Variants in BCAS3 observed in about 807,000 individuals in gnomAD.
BCAS3 encodes BCAS3 microtubule associated cell migration factor, also known as BCAS4/BCAS3 fusion.
In BCAS3, 53 loss-of-function variants were observed where a neutral mutation model predicts 116.1. That is an observed-to-expected ratio of 0.46 (90% CI 0.37 to 0.57). The LOEUF (loss-of-function observed/expected upper bound fraction) is 0.57, where lower values mean the gene tolerates loss of function less well. Among genes scored for constraint, BCAS3 ranks in the 20% least tolerant of loss-of-function variants. The pLI is 0.00. For missense variants in BCAS3, 917 were observed against 1,165.4 expected, an observed-to-expected ratio of 0.79 and a Z score of 3.10; for synonymous variants, 391 against 408.2, an observed-to-expected ratio of 0.96 and a Z score of 0.51.
At chr17:61,133,813 A>G (rs2076465179) in intron 22 of BCAS3, among the ~76,000 whole-genome samples, 1 of 126,488 alleles carries the variant, frequency 7.9e-6, no homozygotes, top group South Asian at 2.6e-4. Context: ...ATGAATTGGA[A>G]GGGTGCTTTC....
chr17:61,062,641 G>A (rs1275370155), intron 19 of BCAS3, among the ~76,000 whole-genome samples: 2 of 152,054 alleles, frequency 1.3e-5, no homozygotes, highest in Non-Finnish European at 2.9e-5. Context: ...GTGGAAAAAG[G>A]GAGTTAAAAG....
At chr17:61,334,664 C>CAAAAAAAAAAAAAA (rs35400660) in intron 22 of BCAS3, among the ~76,000 whole-genome samples, 1 of 50,904 alleles carries the variant, frequency 2.0e-5, no homozygotes, top group African/African-American at 6.8e-5. Flanking sequence ...AACTCCATCT[C>CAAAAAAAAAAAAAA]AAAAAAAAAA....
At chr17:61,273,467 T>C (rs1249326909) in intron 22 of BCAS3, among the ~76,000 whole-genome samples, 2 of 152,214 alleles carry the variant, frequency 1.3e-5, no homozygotes, top group Non-Finnish European at 2.9e-5. Context: ...ATGTCATATG[T>C]CTTTTACCTC....
intron 14 of BCAS3, among the ~76,000 whole-genome samples, chr17:60,980,790 G>A (rs1385508048): frequency 6.6e-6 from 1 of 151,810 alleles, no homozygotes; most frequent in African/African-American, 2.4e-5. Context: ...CCCAGCTCAG[G>A]CTCCCAAAGT....
rs577592192 is a variant in BCAS3, at chr17:60,981,252, T to G, written c.1222-8719T>G. On this transcript the variant is annotated intron_variant, in intron 14 of 23. Coordinates refer to ENST00000407086, the MANE Select transcript of BCAS3 (RefSeq NM_017679.5). The stretch of plus-strand genomic sequence containing the variant: ...GAGTCCAAGTAAGAGACTAATATAG[T>G]AACCTTGTAGATGATAGTGTTTTAA... 1.3e-4 allele frequency among the ~76,000 whole-genome samples: 20 copies of G among 152,236 alleles called. 1 individual carries two copies. The South Asian group carries it at 4.2e-3, about 32-fold the overall frequency.
At chr17:60,704,462 G>A (rs992119227) in intron 4 of BCAS3, among the ~76,000 whole-genome samples, 1 of 152,206 alleles carries the variant, frequency 6.6e-6, no homozygotes, top group African/African-American at 2.4e-5. Flanking sequence ...GACCTAGACA[G>A]TGGGAACCCT....
intron 23 of BCAS3, chr17:61,389,670 CTG>C (rs2060031568): frequency 6.6e-6 from 1 of 152,256 alleles, no homozygotes; most frequent in African/African-American, 2.4e-5. Context: ...CCGGGTCTAA[CTG>C]GCAAAGGGAA....
chr17:61,109,392 A>T (rs1450197499), intron 22 of BCAS3, among the ~76,000 whole-genome samples: 1 of 151,858 alleles, frequency 6.6e-6, no homozygotes, highest in Non-Finnish European at 1.5e-5. Context: ...GCAATCGCAA[A>T]TTGTGGTGCT....
rs1230471751 is a variant in BCAS3 at position 61,176,260 on chromosome 17, ATTT to A, written c.2425+91697_2425+91699del. ...TTTATAAGGTAAGATGTATATGGTT[ATTT>A]AATATATTATATATGTATTTAATAT... On this transcript the variant is annotated intron_variant, in intron 22 of 23. Coordinates refer to ENST00000407086, the MANE Select transcript of BCAS3 (RefSeq NM_017679.5). Among the ~76,000 whole-genome samples the A allele has an allele frequency of 8.1e-5, 12 of 148,826 alleles. No individual in the cohort carries two copies. The South Asian group carries it at 2.5e-3, about 31-fold the overall frequency.
intron 14 of BCAS3, among the ~76,000 whole-genome samples, chr17:60,966,072 T>C (rs76390383): frequency 0.039 from 5,916 of 152,300 alleles, 393 homozygotes; most frequent in African/African-American, 0.13. Flanking sequence ...CCTTTATCAT[T>C]GTATAGTGTC....
At chr17:61,231,876 A>AG (rs1215734994) in intron 22 of BCAS3, among the ~76,000 whole-genome samples, 3 of 150,506 alleles carry the variant, frequency 2.0e-5, no homozygotes, top group Non-Finnish European at 4.4e-5. Context: ...TCTCAAAAAA[A>AG]AAAAAAAAAA....
chr17:61,114,416 A>G (rs2075292805), intron 22 of BCAS3, among the ~76,000 whole-genome samples: 1 of 148,152 alleles, frequency 6.7e-6, no homozygotes, highest in Admixed American at 6.8e-5. Context: ...TCAATGTACC[A>G]AAATCACAAG....
At chr17:61,027,352 G>T (rs773207878) in intron 16 of BCAS3, 2 of 453,426 alleles carry the variant, frequency 4.4e-6, no homozygotes, top group Admixed American at 2.4e-5. Context: ...ATTTTATTTG[G>T]TCCTAAAGAG....
At chr17:61,298,811 TTTATTTATTTATTATTA>T (rs1283283792) in intron 22 of BCAS3, among the ~76,000 whole-genome samples, 1 of 137,336 alleles carries the variant, frequency 7.3e-6, no homozygotes, top group Non-Finnish European at 1.5e-5. Context: ...TATTTATTTA[TTTATTTATTTATTATTA>T]TTATTATTAT....
chr17:61,002,138 G>C (rs1476554455), intron 15 of BCAS3, among the ~76,000 whole-genome samples: 5 of 151,910 alleles, frequency 3.3e-5, no homozygotes, highest in Non-Finnish European at 7.4e-5. Flanking sequence ...ATATTATATT[G>C]CCTCTAAATT....
chr17:61,255,484 G>A (rs530214913), intron 22 of BCAS3, among the ~76,000 whole-genome samples: 1 of 152,236 alleles, frequency 6.6e-6, no homozygotes, highest in Admixed American at 6.5e-5. Context: ...GACTACCAAG[G>A]GGACAGAGGC....
chr17:60,787,491 T>A (rs2046380149), intron 6 of BCAS3, among the ~76,000 whole-genome samples: 1 of 152,216 alleles, frequency 6.6e-6, no homozygotes, highest in Admixed American at 6.5e-5. Flanking sequence ...TGAGTTATTA[T>A]GAGTAAAGCT....
At chr17:60,709,092 G>A in intron 4 of BCAS3, 127 bp from the exon 5 acceptor site, 1 of 542,780 alleles carries the variant, frequency 1.8e-6, no homozygotes, top group South Asian at 2.3e-5. Context: ...TTCTGGCTAT[G>A]AAGAGAAGAG....
intron 14 of BCAS3, among the ~76,000 whole-genome samples, chr17:60,952,238 A>G (rs2060883747): frequency 6.6e-6 from 1 of 151,756 alleles, no homozygotes; most frequent in African/African-American, 2.4e-5. Flanking sequence ...GGGTTTGCAC[A>G]TTTTTCTTTA....
Sources: gnomAD v4.1 joint callset for allele counts (sites outside exome capture counted in the v4.1 genomes callset) on GRCh38, gnomAD v4.1.1 for gene constraint, MANE v1.5 for transcripts, NCBI Gene and HGNC (gene_info 2026-07-23, HGNC 2026-07-21) for gene names.